KIF1A: variants seen among roughly 807,000 people sequenced by gnomAD.
The protein encoded by KIF1A is kinesin-like protein KIF1A.
Under a neutral mutation model 227.3 loss-of-function variants are expected in KIF1A, and 46 were observed. That is an observed-to-expected ratio of 0.20 (90% CI 0.16 to 0.26). KIF1A has a LOEUF of 0.26. Among genes scored for constraint, KIF1A ranks in the 10% least tolerant of loss-of-function variants. KIF1A has a pLI of 1.00. For synonymous variants in KIF1A, 1,022 were observed against 1,012.8 expected, an observed-to-expected ratio of 1.01 and a Z score of -0.17; for missense variants, 1,683 against 2,485.9, an observed-to-expected ratio of 0.68 and a Z score of 6.87.
Position 240,775,627 on chromosome 2 carries a change from G to A in KIF1A, c.958+224C>T, listed in dbSNP as rs1234509982. Reference sequence around the variant, plus strand: ...AGGTGTGTGCTGTGCCACCCCCTGGGCTGTCCTGGTTCCCACACTCGCTTC... The same window carrying A: ...AGGTGTGTGCTGTGCCACCCCCTGGACTGTCCTGGTTCCCACACTCGCTTC... On this transcript the variant is annotated intron_variant, in intron 11 of 48. Transcript: ENST00000498729. The surrounding 1 kb of genome is among the most constrained non-coding windows in gnomAD (Gnocchi z 5.5). Among the ~76,000 whole-genome samples, 7 of 152,332 alleles carry A rather than the reference G, an allele frequency of 4.6e-5. No individual in the cohort carries two copies. The highest frequency in any genetic ancestry group is 4.6e-4 in the Admixed American group (7 of 15,304).
At chr2:240,814,653 G>A (rs73104638) in intron 1 of KIF1A, among the ~76,000 whole-genome samples, 4,138 of 152,296 alleles carry the variant, frequency 0.027, 197 homozygotes, top group African/African-American at 0.093. Context: ...AAGGCTGGGC[G>A]CGGTGGCTCA....
In KIF1A at chr2:240,813,017, T is replaced by C. The variant is rs201405480; in HGVS notation, c.-61+7105A>G. ...CGGGGATCCGCCTTCACCTCGGGGATCTGCCTTCACCTCAAGGATCCACTT... is the reference window on the plus strand; with the variant it reads ...CGGGGATCCGCCTTCACCTCGGGGACCTGCCTTCACCTCAAGGATCCACTT... On this transcript the variant is annotated intron_variant, in intron 1 of 48. Transcript: ENST00000498729. Among the ~76,000 whole-genome samples the C allele has an allele frequency of 2.3e-3, 352 of 150,850 alleles. 1 individual carries two copies. The East Asian group carries it at 0.052, about 22-fold the overall frequency.
chr2:240,778,936 C>T lies in KIF1A; in HGVS notation c.883-3010G>A, dbSNP rs751532772. 9.9e-5 allele frequency among the ~76,000 whole-genome samples: 15 copies of T among 152,110 alleles called. No homozygotes were observed. Among genetic ancestry groups the T allele is most frequent in the Non-Finnish European group, 1.2e-4 (8 of 68,034 alleles). ...CTTCCTCAGGCCATTCGCCCGTGTG[C>T]ACCCCGTTCCTACACACAGCGCTCC... On this transcript the variant is annotated intron_variant, in intron 10 of 48. Coordinates refer to ENST00000498729, the MANE Select transcript of KIF1A (RefSeq NM_001244008.2). The surrounding 1 kb of genome is among the most constrained non-coding windows in gnomAD (Gnocchi z 7.2).
At chr2:240,756,059 C>T (rs763327564) in intron 27 of KIF1A, among the ~76,000 whole-genome samples, 12 of 152,106 alleles carry the variant, frequency 7.9e-5, no homozygotes, top group Non-Finnish European at 1.6e-4. Flanking sequence ...AGAATAAATC[C>T]ATGGCACCTG....
At position 240,740,235 on chromosome 2, in the gene KIF1A, G is replaced by T; in HGVS notation, c.3816+63C>A. The T allele has an allele frequency of 1.3e-6, 2 of 1,571,388 alleles. No individual in the cohort carries two copies. Among genetic ancestry groups the T allele is most frequent in the East Asian group, 4.5e-5 (2 of 44,228 alleles). ...CACAGGCAGGGTAGGGGCAGGGAGA[G>T]GCTCACACCTGGTGGGGTGGGGGAG... On this transcript the variant is annotated intron_variant, in intron 36 of 48. Coordinates refer to ENST00000498729, the MANE Select transcript of KIF1A (RefSeq NM_001244008.2). This position sits in a 1 kb window ranked among gnomAD's most constrained non-coding sequence, Gnocchi z 6.1.
chr2:240,775,655 T>C lies in KIF1A; in HGVS notation c.958+196A>G, dbSNP rs369632512. ...GTCCTGGTTCCCACACTCGCTTCGT[T>C]AACCCACTGCTGGCCGTTGCCCCAG... On this transcript the variant is annotated intron_variant, in intron 11 of 48. Coordinates refer to ENST00000498729, the MANE Select transcript of KIF1A (RefSeq NM_001244008.2). This position sits in a 1 kb window ranked among gnomAD's most constrained non-coding sequence, Gnocchi z 5.5. Among the ~76,000 whole-genome samples the C allele has an allele frequency of 1.7e-3, 255 of 152,270 alleles. No individual in the cohort carries two copies. Among genetic ancestry groups the C allele is most frequent in the African/African-American group, 5.6e-3 (233 of 41,564 alleles).
chr2:240,760,759 G>T lies in KIF1A; in HGVS notation c.2350C>A (p.Arg784=). ...DLLPPEAAKD[R]ETRPFPRTIV... ...GTGCGGGGGAAGGGCCGCGTCTCTC[G>T]GTCTTTGGCGGCCTCTGGGGGCAGC... Residue 784 remains arginine (R), a synonymous_variant, in exon 25 of 49, where the codon CGA becomes AGA. Coordinates refer to ENST00000498729, the MANE Select transcript of KIF1A (RefSeq NM_001244008.2). 1.9e-6 allele frequency: 3 copies of T among 1,601,340 alleles called. No homozygotes were observed. Among genetic ancestry groups the T allele is most frequent in the Non-Finnish European group, 2.6e-6 (3 of 1,174,432 alleles).
chr2:240,742,856 G>C (rs914241130), intron 34 of KIF1A, 73 bp downstream of exon 34: 1 of 1,353,846 alleles, frequency 7.4e-7, no homozygotes, highest in African/African-American at 1.4e-5. Flanking sequence ...TTCACTGCGG[G>C]GGCCCAGCCC....
chr2:240,803,339 C>A (rs1017642430), intron 1 of KIF1A, among the ~76,000 whole-genome samples: 3 of 152,190 alleles, frequency 2.0e-5, no homozygotes, highest in Non-Finnish European at 4.4e-5. Flanking sequence ...TGGTTCAGAC[C>A]CCAGTGTCCC....
At chr2:240,745,388 G>A (rs999187906) in intron 32 of KIF1A, 39 bp downstream of exon 32, 8 of 1,468,216 alleles carry the variant, frequency 5.4e-6, no homozygotes, top group Non-Finnish European at 5.7e-6. Flanking sequence ...GGGAGGGTCA[G>A]TCAGTGGCAG....
chr2:240,722,568 C>T lies in KIF1A; in HGVS notation c.4553G>A (p.Ser1518Asn). ...GGAGCCATGGGACTCAGAGTCCTCGCTGAAGGCCGGGGACAGTGCCTCCGG... is the reference window on the plus strand; with the variant it reads ...GGAGCCATGGGACTCAGAGTCCTCGTTGAAGGCCGGGGACAGTGCCTCCGG... The part of the protein sequence containing the change: ...PVPEALSPAF[S>N]EDSESHGSSS... Residue 1518 changes from serine (S) to asparagine (N), a missense_variant, in exon 43 of 49, where the codon AGC (serine) becomes AAC (asparagine). Physicochemically the swap from Ser to Asn is conservative, Grantham distance 46. Around this residue, in one of 12 missense-constraint regions of KIF1A, gnomAD observed 384 missense variants for 410.1 expected, o/e 0.94. Coordinates refer to ENST00000498729, the MANE Select transcript of KIF1A (RefSeq NM_001244008.2). 1 of 1,555,898 alleles carries T rather than the reference C, an allele frequency of 6.4e-7. No individual in the cohort carries two copies. Among genetic ancestry groups the T allele is most frequent in the Non-Finnish European group, 8.7e-7 (1 of 1,150,130 alleles).
intron 1 of KIF1A, among the ~76,000 whole-genome samples, chr2:240,807,130 G>GTGTGTGTGTATA (rs1356399506): frequency 3.3e-5 from 4 of 119,488 alleles, no homozygotes; most frequent in African/African-American, 1.2e-4. Context: ...GTGTGTGTGT[G>GTGTGTGTGTATA]TATATATATA....
At chr2:240,765,816 A>T (rs768194597) in intron 19 of KIF1A, 23 bp from the exon 20 acceptor site, 1 of 1,587,920 alleles carries the variant, frequency 6.3e-7, no homozygotes, top group South Asian at 1.1e-5. Context: ...TGGGAGGGGC[A>T]GAGAGGAGGA....
At chr2:240,807,450 T>C (rs946424612) in intron 1 of KIF1A, among the ~76,000 whole-genome samples, 4 of 152,170 alleles carry the variant, frequency 2.6e-5, no homozygotes, top group African/African-American at 9.7e-5. Flanking sequence ...GCCCCTTCCA[T>C]ATATTTTAAA....
intron 14 of KIF1A, 129 bp from the exon 15 acceptor site, chr2:240,771,233 A>C: frequency 8.8e-7 from 1 of 1,131,376 alleles, no homozygotes; most frequent in Non-Finnish European, 1.3e-6. Context: ...GAGAGAAAAA[A>C]GATGAAGATG....
At chr2:240,805,205 G>C (rs1353423893) in intron 1 of KIF1A, among the ~76,000 whole-genome samples, 1 of 150,096 alleles carries the variant, frequency 6.7e-6, no homozygotes, top group Non-Finnish European at 1.5e-5. Context: ...GGGAAGAGAG[G>C]GATTAGATCC....
At chr2:240,764,375 G>C (rs2050888142) in intron 20 of KIF1A, among the ~76,000 whole-genome samples, 1 of 152,150 alleles carries the variant, frequency 6.6e-6, no homozygotes, top group African/African-American at 2.4e-5. Context: ...GGGCACAGCT[G>C]TCTCTCTGTC....
intron 14 of KIF1A, among the ~76,000 whole-genome samples, chr2:240,771,507 T>C (rs1406979536): frequency 6.6e-6 from 1 of 151,886 alleles, no homozygotes; most frequent in Non-Finnish European, 1.5e-5. Flanking sequence ...ACAGCTGCAC[T>C]CCAGGCCCCA....
chr2:240,749,705 A>ATGGATCC (rs2048998679), intron 28 of KIF1A, among the ~76,000 whole-genome samples: 2 of 151,906 alleles, frequency 1.3e-5, no homozygotes, highest in East Asian at 2.0e-4. Flanking sequence ...GAGCATTACA[A>ATGGATCC]CGGATCCCGT....
Sources: allele counts gnomAD v4.1 joint callset (sites outside exome capture counted in the v4.1 genomes callset), GRCh38; gene constraint gnomAD v4.1.1; regional missense constraint gnomAD v4.1.1; non-coding constraint Gnocchi (gnomAD v3.1); transcripts MANE v1.5; gene names NCBI Gene and HGNC (gene_info 2026-07-23, HGNC 2026-07-21).